TUBGCP3: variants seen among roughly 807,000 people sequenced by gnomAD.
The protein encoded by TUBGCP3 is tubulin gamma complex component 3.
In TUBGCP3, 50 loss-of-function variants were observed where a neutral mutation model predicts 123.1. The observed-to-expected ratio is 0.41, with a 90% CI of 0.32 to 0.51. TUBGCP3 has a LOEUF of 0.51. Among genes scored for constraint, TUBGCP3 ranks in the 20% least tolerant of loss-of-function variants. TUBGCP3 has a pLI of 0.36. For synonymous variants in TUBGCP3, 405 were observed against 413.9 expected (o/e 0.98, Z 0.26); for missense variants, 882 against 1,127.0 (o/e 0.78, Z 3.11).
intron 13 of TUBGCP3, 67 bp downstream of exon 13, chr13:112,526,875 A>G: frequency 8.8e-7 from 1 of 1,142,746 alleles, no homozygotes; most frequent in Non-Finnish European, 1.3e-6. Context: ...CATGAGTATC[A>G]CCATCCTCAC....
intron 3 of TUBGCP3, among the ~76,000 whole-genome samples, chr13:112,560,005 G>T (rs1185146467): frequency 6.6e-6 from 1 of 152,006 alleles, no homozygotes; most frequent in African/African-American, 2.4e-5. Context: ...GTGGTATCAC[G>T]CACCTGTAGT....
chr13:112,516,307 G>A lies in TUBGCP3; in HGVS notation c.2086+133C>T, dbSNP rs555650876. ...TAAATGTGATTTTAAAAGAAAGTTC[G>A]CCATCTGAAAAAAATATATAGCTGT... On this transcript the variant is annotated intron_variant, in intron 17 of 21. Coordinates refer to ENST00000261965, the MANE Select transcript of TUBGCP3 (RefSeq NM_006322.6). The A allele has an allele frequency of 3.1e-5, 29 of 937,244 alleles. No individual in the cohort carries two copies. The African/African-American group carries it at 3.9e-4, about 13-fold the overall frequency. 58.1% of individuals were successfully genotyped at this position (937,244 alleles called of 1,614,324 possible).
intron 3 of TUBGCP3, among the ~76,000 whole-genome samples, chr13:112,561,561 G>C (rs1594203845): frequency 6.6e-6 from 1 of 152,186 alleles, no homozygotes; most frequent in Admixed American, 6.5e-5. Context: ...TGGGGGGCAA[G>C]ATCAATGGTG....
At chr13:112,531,847 G>A (rs754109370) in intron 11 of TUBGCP3, among the ~76,000 whole-genome samples, 27 of 152,180 alleles carry the variant, frequency 1.8e-4, no homozygotes, top group Middle Eastern at 3.4e-3. Context: ...ATATAATTGC[G>A]ATACGCTTTT....
At chr13:112,547,556 GGAAAGT>G in intron 10 of TUBGCP3, 58 bp downstream of exon 10, 1 of 1,331,980 alleles carries the variant, frequency 7.5e-7, no homozygotes, top group South Asian at 1.8e-5. Context: ...GTCGCGCGTG[GGAAAGT>G]CGCGCGTGGG....
intron 3 of TUBGCP3, among the ~76,000 whole-genome samples, chr13:112,560,985 A>G (rs1409155514): frequency 6.6e-6 from 1 of 152,204 alleles, no homozygotes; most frequent in Non-Finnish European, 1.5e-5. Context: ...CAGTGAACAC[A>G]GCAACCTGGC....
intron 3 of TUBGCP3, among the ~76,000 whole-genome samples, chr13:112,559,640 C>T (rs1451587290): frequency 6.6e-6 from 1 of 152,158 alleles, no homozygotes; most frequent in Non-Finnish European, 1.5e-5. Flanking sequence ...TCTAAAGTCC[C>T]CAAGAAGAAA....
upstream of TUBGCP3, chr13:112,588,197 G>C: frequency 2.5e-6 from 1 of 403,666 alleles, no homozygotes; most frequent in Non-Finnish European, 4.4e-6. Context: ...CGCCGCGGCC[G>C]CGCGTGCGGC....
chr13:112,581,955 C>G (rs1882304690), intron 1 of TUBGCP3, among the ~76,000 whole-genome samples: 1 of 152,204 alleles, frequency 6.6e-6, no homozygotes, highest in African/African-American at 2.4e-5. Context: ...TTCAGCCACA[C>G]CTGAGTCTCC....
intron 17 of TUBGCP3, among the ~76,000 whole-genome samples, chr13:112,514,677 T>C (rs151163331): frequency 4.5e-4 from 69 of 152,302 alleles, no homozygotes; most frequent in Middle Eastern, 3.4e-3. Flanking sequence ...ATGAGCTAAA[T>C]TGGTACACTT....
At chr13:112,571,745 T>A (rs1881410474) in intron 1 of TUBGCP3, among the ~76,000 whole-genome samples, 1 of 152,238 alleles carries the variant, frequency 6.6e-6, no homozygotes, top group African/African-American at 2.4e-5. Context: ...CTGTTGTTAG[T>A]GTAGCCACCT....
Position 112,513,283 on chromosome 13 carries a change from C to T in TUBGCP3, c.2086+3157G>A, listed in dbSNP as rs531292063. On this transcript the variant is annotated intron_variant, in intron 17 of 21. Coordinates refer to ENST00000261965, the MANE Select transcript of TUBGCP3 (RefSeq NM_006322.6). The stretch of plus-strand genomic sequence containing the variant: ...TCTAACAAACCATTTTAGTATTAGC[C>T]GCTGTGTTTTGTCCAGCTGACTGGC... Among the ~76,000 whole-genome samples the T allele has an allele frequency of 6.6e-5, 10 of 152,220 alleles. No individual in the cohort carries two copies. The South Asian group carries it at 1.7e-3, about 25-fold the overall frequency.
upstream of TUBGCP3, among the ~76,000 whole-genome samples, chr13:112,590,951 A>G (rs947328962): frequency 2.6e-5 from 4 of 152,234 alleles, no homozygotes; most frequent in African/African-American, 9.6e-5. Flanking sequence ...GTCTCCAGGA[A>G]ATTGTAAATC....
chr13:112,533,828 T>C (rs2139118506), intron 11 of TUBGCP3, among the ~76,000 whole-genome samples: 1 of 150,854 alleles, frequency 6.6e-6, no homozygotes, highest in Admixed American at 6.6e-5. Flanking sequence ...ATTTTCTATT[T>C]CCATAGGTTT....
chr13:112,488,186 C>T (rs1387409742), intron 21 of TUBGCP3, among the ~76,000 whole-genome samples: 3 of 148,684 alleles, frequency 2.0e-5, no homozygotes. Flanking sequence ...TAGATGCCCA[C>T]AGAAAGAGCG....
At chr13:112,540,983 CA>C (rs1210085000) in intron 11 of TUBGCP3, among the ~76,000 whole-genome samples, 3 of 152,142 alleles carry the variant, frequency 2.0e-5, no homozygotes, top group African/African-American at 7.2e-5. Context: ...AAGAGTGCTT[CA>C]AAAAAGTTTC....
At chr13:112,568,468 C>T (rs1881144758) in intron 2 of TUBGCP3, among the ~76,000 whole-genome samples, 1 of 151,934 alleles carries the variant, frequency 6.6e-6, no homozygotes, top group African/African-American at 2.4e-5. Flanking sequence ...ATTACTGAGA[C>T]CCAAGGCCAA....
chr13:112,534,742 A>G (rs776039289), intron 11 of TUBGCP3, among the ~76,000 whole-genome samples: 2 of 152,148 alleles, frequency 1.3e-5, no homozygotes, highest in Non-Finnish European at 2.9e-5. Context: ...TCCCTCACCA[A>G]GCGTTTGTGT....
intron 11 of TUBGCP3, among the ~76,000 whole-genome samples, chr13:112,535,079 A>G (rs1375029135): frequency 6.6e-6 from 1 of 152,200 alleles, no homozygotes; most frequent in Non-Finnish European, 1.5e-5. Context: ...ACAGAGCACA[A>G]TGTTCTCAAG....
Sources: gnomAD v4.1 joint callset for allele counts (sites outside exome capture counted in the v4.1 genomes callset) on GRCh38, gnomAD v4.1.1 for gene constraint, MANE v1.5 for transcripts, NCBI Gene and HGNC (gene_info 2026-07-23, HGNC 2026-07-21) for gene names.